Variants in TRPV2 observed in about 807,000 individuals in gnomAD.
TRPV2 encodes the protein transient receptor potential cation channel subfamily V member 2, also known as OTRPC2.
TRPV2 carries 58 observed loss-of-function variants against 91.0 expected under a neutral mutation model. The ratio of observed to expected loss-of-function variants is 0.64; its 90% confidence interval spans 0.52 to 0.79. The LOEUF (loss-of-function observed/expected upper bound fraction) is 0.79. Among genes scored for constraint, TRPV2 ranks in the 30% least tolerant of loss-of-function variants. The pLI, the probability that TRPV2 is intolerant of heterozygous loss-of-function variation, is 0.00. For missense variants in TRPV2, 807 were observed against 969.6 expected (o/e 0.83, Z 2.23); for synonymous variants, 417 against 414.8 (o/e 1.01, Z -0.06).
At position 16,426,818 on chromosome 17, in the gene TRPV2, A is replaced by T; in HGVS notation, c.1192A>T (p.Asn398Tyr). 1.2e-6 allele frequency: 2 copies of T among 1,613,896 alleles called. No individual in the cohort carries two copies. Among genetic ancestry groups the T allele is most frequent in the South Asian group, 1.1e-5 (1 of 91,078 alleles). The change falls in exon 7 of 15, where the codon AAT (asparagine) becomes TAT (tyrosine). Residue 398 changes from asparagine to tyrosine, a missense_variant. Coordinates refer to ENST00000338560, the MANE Select transcript of TRPV2 (RefSeq NM_016113.5). This position sits in a 1 kb window ranked among gnomAD's most constrained non-coding sequence, Gnocchi z 6.0. ...CAAGTTCTTCTTAAACTTCCTGTGT[A>T]ATCTGATCTACATGTTCATCTTCAC... ...IPKFFLNFLCNLIYMFIFTAV... is the reference protein window; with the variant it reads ...IPKFFLNFLCYLIYMFIFTAV...
chr17:16,420,223 G>A lies in TRPV2; in HGVS notation c.309G>A (p.Lys103=). The A allele has an allele frequency of 1.2e-6, 2 of 1,613,982 alleles. 1 individual carries two copies. The highest frequency in any genetic ancestry group is 2.2e-5 in the South Asian group (2 of 91,058). The part of the protein sequence containing the change: ...GLPEYLSKTS[K]YLTDSEYTEG... Reference sequence around the variant, plus strand: ...CAGAGTACCTGAGCAAGACCAGCAAGTACCTCACCGACTCGGAATACACAG... The same window carrying A: ...CAGAGTACCTGAGCAAGACCAGCAAATACCTCACCGACTCGGAATACACAG... Residue 103 remains lysine (K), a synonymous_variant, in exon 3 of 15, where the codon AAG becomes AAA. Coordinates refer to ENST00000338560, the MANE Select transcript of TRPV2 (RefSeq NM_016113.5).
Position 16,432,306 on chromosome 17 carries a change from A to G in TRPV2, c.1989+6A>G. The G allele has an allele frequency of 2.5e-6, 4 of 1,596,306 alleles. No individual in the cohort carries two copies. Among genetic ancestry groups the G allele is most frequent in the Non-Finnish European group, 3.4e-6 (4 of 1,167,906 alleles). Reference sequence around the variant, plus strand: ...GGAGCATCTGGAAGCTGCAGGTGCCACCAGAGAGGCTCCCTGCCCCCACCC... The same window carrying G: ...GGAGCATCTGGAAGCTGCAGGTGCCGCCAGAGAGGCTCCCTGCCCCCACCC... On this transcript the variant is annotated splice_donor_region_variant and intron_variant, in intron 12 of 14. Coordinates refer to ENST00000338560, the MANE Select transcript of TRPV2 (RefSeq NM_016113.5).
rs1021302776 is a variant in TRPV2, at chr17:16,426,428, G to A, written c.1095+159G>A. 3.9e-5 allele frequency among the ~76,000 whole-genome samples: 6 copies of A among 152,158 alleles called. No homozygotes were observed. The highest frequency in any genetic ancestry group is 1.9e-4 in the East Asian group (1 of 5,184). Reference sequence around the variant, plus strand: ...AGGCACGACCCTGACCATGGCCACCGGGCCCATACTCAATCCATACTCTAG... The same window carrying A: ...AGGCACGACCCTGACCATGGCCACCAGGCCCATACTCAATCCATACTCTAG... On this transcript the variant is annotated intron_variant, in intron 6 of 14. Transcript: ENST00000338560. The surrounding 1 kb of genome is among the most constrained non-coding windows in gnomAD (Gnocchi z 6.0).
chr17:16,425,548 G>A (rs1395672063), intron 5 of TRPV2, among the ~76,000 whole-genome samples: 2 of 151,866 alleles, frequency 1.3e-5, no homozygotes, highest in East Asian at 1.9e-4. Flanking sequence ...ACCCTTTTTC[G>A]CTGCCCTCCC....
Position 16,422,689 on chromosome 17 carries a change from A to T in TRPV2, c.425A>T (p.Asp142Val). 1 of 1,612,702 alleles carries T rather than the reference A, an allele frequency of 6.2e-7. No individual in the cohort carries two copies. The highest frequency in any genetic ancestry group is 8.5e-7 in the Non-Finnish European group (1 of 1,179,274). The change falls in exon 4 of 15, where the codon GAC becomes GTC. Residue 142 changes from aspartate to valine, a missense_variant. Physicochemically the swap from Asp to Val is radical, Grantham distance 152. Coordinates refer to ENST00000338560, the MANE Select transcript of TRPV2 (RefSeq NM_016113.5). ...TGCATTCTGCCACTGCTGCAGATCGACAGGGACTCTGGCAATCCTCAGCCC... is the reference window on the plus strand; with the variant it reads ...TGCATTCTGCCACTGCTGCAGATCGTCAGGGACTCTGGCAATCCTCAGCCC... The part of the protein sequence containing the change: ...NACILPLLQI[D>V]RDSGNPQPLV...
Position 16,427,508 on chromosome 17 carries a change from C to G in TRPV2, c.1311C>G (p.Ile437Met). 1.2e-6 allele frequency: 2 copies of G among 1,613,806 alleles called. No individual in the cohort carries two copies. The highest frequency in any genetic ancestry group is 1.7e-6 in the Non-Finnish European group (2 of 1,179,788). ...VGNSMLLTGH[I>M]LILLGGIYLL... ...ACTCCATGCTGCTGACGGGCCACATCCTTATCCTGCTAGGGGGGATCTACC... is the reference window on the plus strand; with the variant it reads ...ACTCCATGCTGCTGACGGGCCACATGCTTATCCTGCTAGGGGGGATCTACC... Residue 437 changes from isoleucine (I) to methionine (M), a missense_variant, in exon 8 of 15, where the codon ATC becomes ATG. Transcript: ENST00000338560.
Position 16,433,560 on chromosome 17 carries a change from T to A in TRPV2, c.1990-14T>A. ...GTCCCAGGACGTTCTGTCTGATGCATCCTTTGTCCCCAGAAAGCCATCTCT... is the reference window on the plus strand; with the variant it reads ...GTCCCAGGACGTTCTGTCTGATGCAACCTTTGTCCCCAGAAAGCCATCTCT... On this transcript the variant is annotated splice_polypyrimidine_tract_variant and intron_variant, in intron 12 of 14. Transcript: ENST00000338560. 1 of 1,613,548 alleles carries A rather than the reference T, an allele frequency of 6.2e-7. No individual in the cohort carries two copies. The highest frequency in any genetic ancestry group is 8.5e-7 in the Non-Finnish European group (1 of 1,179,768).
Position 16,427,502 on chromosome 17 carries a change from C to T in TRPV2, c.1305C>T (p.Gly435=). ...AEVGNSMLLT[G]HILILLGGIY... ...TTGGAAACTCCATGCTGCTGACGGG[C>T]CACATCCTTATCCTGCTAGGGGGGA... is the stretch of plus-strand genomic sequence containing the variant. The change falls in exon 8 of 15, where the codon GGC becomes GGT. Residue 435 remains glycine, a synonymous_variant. Transcript: ENST00000338560. The T allele has an allele frequency of 1.2e-6, 2 of 1,613,886 alleles. No individual in the cohort carries two copies. Among genetic ancestry groups the T allele is most frequent in the Non-Finnish European group, 1.7e-6 (2 of 1,179,828 alleles).
Position 16,431,816 on chromosome 17 carries a change from G to A in TRPV2, c.1620G>A (p.Leu540=), listed in dbSNP as rs1214514037. 1 of 1,614,104 alleles carries A rather than the reference G, an allele frequency of 6.2e-7. No individual in the cohort carries two copies. The change falls in exon 11 of 15, where the codon CTG becomes CTA. Residue 540 remains leucine, a synonymous_variant. Transcript: ENST00000338560. Reference sequence around the variant, plus strand: ...TGCGGGACCTGCTGCGCTTCCTTCTGATCTACTTAGTCTTCCTTTTCGGCT... The same window carrying A: ...TGCGGGACCTGCTGCGCTTCCTTCTAATCTACTTAGTCTTCCTTTTCGGCT... The part of the protein sequence containing the change: ...VILRDLLRFL[L]IYLVFLFGFA...
At chr17:16,434,508 C>G (rs1028094090) in intron 13 of TRPV2, among the ~76,000 whole-genome samples, 24 of 149,088 alleles carry the variant, frequency 1.6e-4, no homozygotes, top group Admixed American at 8.7e-4. Flanking sequence ...ACAAAAAAAA[C>G]AGACACTGTC....
At chr17:16,434,580 C>T (rs1447692107) in intron 13 of TRPV2, 1 of 316,932 alleles carries the variant, frequency 3.2e-6, no homozygotes. Context: ...ATGATAGGCC[C>T]CAGAACCCGG....
In TRPV2 at chr17:16,428,358, G is replaced by GT; in HGVS notation, c.1394dup (p.Ile466HisfsTer6). 6.2e-7 allele frequency: 1 copy of GT among 1,614,170 alleles called. No homozygotes were observed. The highest frequency in any genetic ancestry group is 8.5e-7 in the Non-Finnish European group (1 of 1,180,026). On this transcript the variant is annotated frameshift_variant, in exon 9 of 15. Transcript: ENST00000338560. LOFTEE classifies it high-confidence loss of function. ...GGCGCCACGTGTTCATCTGGATCTC[G>GT]TTCATAGACAGCTACTTTGAAATCC... is the stretch of plus-strand genomic sequence containing the variant.
rs756676638 is a variant in TRPV2 at position 16,432,237 on chromosome 17, C to T, written c.1926C>T (p.Ile642=). ...LTYILLLNML[I]ALMSETVNSV... ...ACATCCTGCTGCTCAACATGCTCAT[C>T]GCCCTCATGAGCGAGACCGTCAACA... The change falls in exon 12 of 15, where the codon ATC becomes ATT. Residue 642 remains isoleucine (I), a synonymous_variant. Transcript: ENST00000338560. The T allele has an allele frequency of 2.3e-5, 37 of 1,613,772 alleles. No homozygotes were observed. The highest frequency in any genetic ancestry group is 2.9e-5 in the Non-Finnish European group (34 of 1,179,800).
At chr17:16,427,577 A>C (rs1331704312) in intron 8 of TRPV2, 30 bp downstream of exon 8, 1 of 1,592,034 alleles carries the variant, frequency 6.3e-7, no homozygotes, top group South Asian at 1.1e-5. Flanking sequence ...TCCTACCAAG[A>C]AGCAAACCTA....
At position 16,417,877 on chromosome 17, in the gene TRPV2, G is replaced by A. The variant is rs755627755; in HGVS notation, c.200+9G>A. 5.0e-6 allele frequency: 8 copies of A among 1,612,308 alleles called. No individual in the cohort carries two copies. Among genetic ancestry groups the A allele is most frequent in the African/African-American group, 4.0e-5 (3 of 74,906 alleles). On this transcript the variant is annotated intron_variant, in intron 2 of 14. Transcript: ENST00000338560. ...AAGGGAACAGGTGCCAGGTGAGACA[G>A]CAAGTGGGGGCAGGGCAAAGGGGGC...
chr17:16,417,593 G>A lies in TRPV2; in HGVS notation c.-76G>A, dbSNP rs1313650364. The A allele has an allele frequency of 6.6e-6, 10 of 1,515,960 alleles. No homozygotes were observed. In the East Asian group the frequency reaches 2.3e-4, roughly 34 times the overall value. The allele number at this position is 1,515,960 out of a possible 1,614,324, so 93.9% of individuals were successfully genotyped here. ...GTCAGGCCAACACCGACGCGCAGCT[G>A]GGAGGAAGACAGGACCCTTGACATC... On this transcript the variant is annotated 5_prime_UTR_variant, in exon 2 of 15. Coordinates refer to ENST00000338560, the MANE Select transcript of TRPV2 (RefSeq NM_016113.5).
At chr17:16,419,921 C>T (rs1213343989) in intron 2 of TRPV2, among the ~76,000 whole-genome samples, 194 bp from the exon 3 acceptor site, 1 of 152,216 alleles carries the variant, frequency 6.6e-6, no homozygotes, top group Non-Finnish European at 1.5e-5. Context: ...GGACAGGCCC[C>T]TTTTCCTCCT....
chr17:16,422,570 G>A (rs762374835), intron 3 of TRPV2, 29 bp from the exon 4 acceptor site: 1 of 1,600,288 alleles, frequency 6.2e-7, no homozygotes, highest in African/African-American at 1.3e-5. Flanking sequence ...CAGCACCACT[G>A]TGCCCCTTCC....
Position 16,426,610 on chromosome 17 carries a change from G to A in TRPV2, c.1096-112G>A. On this transcript the variant is annotated intron_variant, in intron 6 of 14. Coordinates refer to ENST00000338560, the MANE Select transcript of TRPV2 (RefSeq NM_016113.5). This position sits in a 1 kb window ranked among gnomAD's most constrained non-coding sequence, Gnocchi z 6.0. ...TGGGGCTCCTGGGGTGTGGAAGCCTGCTCCCTGTCCTCTCTCCTCATTTCC... is the reference window on the plus strand; with the variant it reads ...TGGGGCTCCTGGGGTGTGGAAGCCTACTCCCTGTCCTCTCTCCTCATTTCC... 2 of 1,316,196 alleles carry A rather than the reference G, an allele frequency of 1.5e-6. No individual in the cohort carries two copies. The highest frequency in any genetic ancestry group is 2.4e-5 in the East Asian group (1 of 41,576). 81.5% of individuals were successfully genotyped at this position (1,316,196 alleles called of 1,614,324 possible). A position where few individuals can be genotyped will look rare whatever the true frequency, so the allele number is the denominator to read the frequency against.
Sources: gnomAD v4.1 joint callset for allele counts (sites outside exome capture counted in the v4.1 genomes callset) on GRCh38, gnomAD v4.1.1 for gene constraint, Gnocchi (gnomAD v3.1) non-coding constraint, MANE v1.5 for transcripts, NCBI Gene and HGNC (gene_info 2026-07-23, HGNC 2026-07-21) for gene names.